Variants in TCAF1 observed in about 807,000 individuals in gnomAD.
The protein encoded by TCAF1 is TRPM8 channel-associated factor 1.
TCAF1 carries 4 observed loss-of-function variants against 27.3 expected under a neutral mutation model. The ratio of observed to expected loss-of-function variants is 0.15; its 90% CI spans 0.07 to 0.34. The LOEUF is 0.34. Ranked by LOEUF, TCAF1 falls within the 10% of genes least tolerant of loss-of-function variation. TCAF1 has a pLI of 1.00. For missense variants in TCAF1, 257 were observed against 425.8 expected (o/e 0.60, Z 3.49); for synonymous variants, 105 against 167.1 (o/e 0.63, Z 2.87).
chr7:143,891,532 T>C (rs1317443486), intron 1 of TCAF1, among the ~76,000 whole-genome samples: 1 of 152,042 alleles, frequency 6.6e-6, no homozygotes, highest in Non-Finnish European at 1.5e-5. Flanking sequence ...GACCAGAGAA[T>C]TGGTGAAGTA....
intron 1 of TCAF1, among the ~76,000 whole-genome samples, chr7:143,892,321 T>C (rs1813673220): frequency 1.3e-5 from 2 of 152,046 alleles, no homozygotes; most frequent in Admixed American, 1.3e-4. Context: ...TACATAGAAG[T>C]AATAATTTAA....
intron 1 of TCAF1, among the ~76,000 whole-genome samples, chr7:143,891,783 A>G (rs1813645657): frequency 6.6e-6 from 1 of 152,142 alleles, no homozygotes; most frequent in South Asian, 2.1e-4. Context: ...ATGTTCCCCG[A>G]GCAGAATACA....
At chr7:143,901,820 C>CG (rs1347970056) in intron 1 of TCAF1, 141 bp downstream of exon 1, 2 of 152,230 alleles carry the variant, frequency 1.3e-5, no homozygotes. Context: ...AAATCATCAA[C>CG]GGGGTAGAGA....
chr7:143,881,109 C>T (rs1812992698), intron 1 of TCAF1, among the ~76,000 whole-genome samples: 2 of 152,164 alleles, frequency 1.3e-5, no homozygotes, highest in African/African-American at 4.8e-5. Context: ...CCTGGTTTTC[C>T]CTTTGAGAGA....
intron 1 of TCAF1, among the ~76,000 whole-genome samples, chr7:143,893,802 A>G (rs547877754): frequency 3.6e-4 from 55 of 152,042 alleles, no homozygotes; most frequent in African/African-American, 1.3e-3. Context: ...AAAACTCTAT[A>G]GCTCTAAATG....
intron 1 of TCAF1, among the ~76,000 whole-genome samples, chr7:143,901,582 T>C (rs1814113035): frequency 6.6e-6 from 1 of 151,382 alleles, no homozygotes; most frequent in African/African-American, 2.4e-5. Context: ...AGCACTGGGG[T>C]GGATGAGAAC....
intron 1 of TCAF1, among the ~76,000 whole-genome samples, chr7:143,891,659 T>C (rs1255988090): frequency 1.3e-5 from 2 of 151,998 alleles, no homozygotes; most frequent in Non-Finnish European, 2.9e-5. Flanking sequence ...GGGTGAAAAG[T>C]TGTGACACAT....
chr7:143,892,455 T>C (rs1040775423), intron 1 of TCAF1, among the ~76,000 whole-genome samples: 8 of 148,780 alleles, frequency 5.4e-5, no homozygotes, highest in African/African-American at 2.0e-4. Flanking sequence ...TCGAAAGAAA[T>C]CAAGAAAAGA....
At chr7:143,882,221 A>ACACACACACACACACAC (rs1813080664) in intron 1 of TCAF1, 1 of 136,518 alleles carries the variant, frequency 7.3e-6, no homozygotes, top group African/African-American at 4.1e-5. Flanking sequence ...CACACACACG[A>ACACACACACACACACAC]ACGCTCACTC....
intron 7 of TCAF1, among the ~76,000 whole-genome samples, chr7:143,858,502 G>T (rs1811650906): frequency 6.9e-6 from 1 of 145,488 alleles, no homozygotes; most frequent in Non-Finnish European, 1.5e-5. Flanking sequence ...TAAAGCCAGA[G>T]AGAGTGAATA....
chr7:143,876,087 G>A lies in TCAF1; in HGVS notation c.522C>T (p.Leu174=), dbSNP rs780254168. ...ERVLFTFPGN[L]VTSVAGIYFT... ...AGTAAATGCCAGCCACACTGGTCAC[G>A]AGGTTCCCAGGGAACGTGAACAGAA... is the stretch of plus-strand genomic sequence containing the variant. Residue 174 remains leucine (L), a synonymous_variant, in exon 2 of 9, where the codon CTC becomes CTT. Coordinates refer to ENST00000479870, the MANE Select transcript of TCAF1 (RefSeq NM_014719.3). The A allele has an allele frequency of 1.5e-5, 24 of 1,613,274 alleles. No homozygotes were observed. Among genetic ancestry groups the A allele is most frequent in the African/African-American group, 5.3e-5 (4 of 74,878 alleles).
chr7:143,892,832 TGTGAAAATACA>T (rs1813708313), intron 1 of TCAF1, among the ~76,000 whole-genome samples: 1 of 152,126 alleles, frequency 6.6e-6, no homozygotes, highest in African/African-American at 2.4e-5. Flanking sequence ...CTCTTGGCCA[TGTGAAAATACA>T]GTGAGAAAGG....
intron 1 of TCAF1, among the ~76,000 whole-genome samples, chr7:143,899,677 T>C (rs1562975990): frequency 1.3e-5 from 2 of 152,090 alleles, no homozygotes; most frequent in Admixed American, 1.3e-4. Flanking sequence ...GAAACAGATA[T>C]AAAGACATAG....
chr7:143,900,199 C>G (rs1237251079), intron 1 of TCAF1, among the ~76,000 whole-genome samples: 2 of 152,278 alleles, frequency 1.3e-5, no homozygotes, highest in East Asian at 3.9e-4. Context: ...TTAAAGTGGC[C>G]CCGATAATCC....
chr7:143,891,248 T>C (rs763434069), intron 1 of TCAF1, among the ~76,000 whole-genome samples: 20 of 152,036 alleles, frequency 1.3e-4, no homozygotes, highest in Non-Finnish European at 2.5e-4. Context: ...CTGCATTGAA[T>C]CAAAAATTAG....
intron 1 of TCAF1, among the ~76,000 whole-genome samples, chr7:143,886,722 T>G (rs1813423460): frequency 6.7e-6 from 1 of 148,228 alleles, no homozygotes; most frequent in Non-Finnish European, 1.5e-5. Context: ...TTTTTTTTTT[T>G]TGAGACAGGG....
At chr7:143,869,065 C>T (rs1331076875) in intron 2 of TCAF1, among the ~76,000 whole-genome samples, 14 of 88,544 alleles carry the variant, frequency 1.6e-4, no homozygotes, top group African/African-American at 3.9e-4. Flanking sequence ...TACAGAGGCA[C>T]GGTCTCAGCT....
chr7:143,883,481 ATTTC>A (rs1024846830), intron 1 of TCAF1, among the ~76,000 whole-genome samples: 10 of 127,972 alleles, frequency 7.8e-5, no homozygotes, highest in South Asian at 5.0e-4. Context: ...TTCAAATCGC[ATTTC>A]TTTCTTTCCT....
chr7:143,885,558 G>A (rs764543647), intron 1 of TCAF1: 44 of 985,210 alleles, frequency 4.5e-5, no homozygotes, highest in Non-Finnish European at 5.2e-5. Context: ...AAAGTAAATC[G>A]TTGAGACTGT....
Sources: allele counts gnomAD v4.1 joint callset (sites outside exome capture counted in the v4.1 genomes callset), GRCh38; gene constraint gnomAD v4.1.1; transcripts MANE v1.5; gene names NCBI Gene and HGNC (gene_info 2026-07-23, HGNC 2026-07-21).